Variants in MAN1C1 observed in about 807,000 individuals in gnomAD.
MAN1C1 encodes mannosidase alpha class 1C member 1.
A neutral mutation model predicts 71.5 loss-of-function variants in MAN1C1; 49 were observed. The observed-to-expected ratio is 0.69, with a 90% CI of 0.54 to 0.87. The LOEUF is 0.87. MAN1C1 is among the 40% of genes least tolerant of loss of function. MAN1C1 has a pLI of 0.00. For synonymous variants in MAN1C1, 352 were observed against 343.7 expected, an observed-to-expected ratio of 1.02 and a Z score of -0.27; for missense variants, 743 against 835.0, an observed-to-expected ratio of 0.89 and a Z score of 1.36.
intron 8 of MAN1C1, among the ~76,000 whole-genome samples, chr1:25,774,054 C>A (rs571884884): frequency 6.6e-6 from 1 of 152,326 alleles, no homozygotes; most frequent in Admixed American, 6.5e-5. Flanking sequence ...ACCTTCACCC[C>A]TGCCTGCACC....
intron 1 of MAN1C1, among the ~76,000 whole-genome samples, chr1:25,627,853 C>G (rs2045321401): frequency 7.0e-6 from 1 of 143,116 alleles, no homozygotes; most frequent in Admixed American, 7.1e-5. Flanking sequence ...GGCAACATGG[C>G]AAAACCCAAT....
intron 2 of MAN1C1, among the ~76,000 whole-genome samples, 171 bp downstream of exon 2, chr1:25,686,707 C>T (rs1163567938): frequency 2.0e-5 from 3 of 152,176 alleles, no homozygotes; most frequent in Non-Finnish European, 4.4e-5. Flanking sequence ...GCTTCTGAGT[C>T]CTCCTAGATT....
chr1:25,737,524 C>CCATT (rs975340995), intron 2 of MAN1C1, among the ~76,000 whole-genome samples: 22 of 152,176 alleles, frequency 1.4e-4, no homozygotes, highest in African/African-American at 3.4e-4. Flanking sequence ...TTTCCAATCG[C>CCATT]CATTCATTCA....
rs958260948 is a variant in MAN1C1, at chr1:25,697,060, A to G, written c.637+10524A>G. On this transcript the variant is annotated intron_variant, in intron 2 of 11. Transcript: ENST00000374332. ...GTGCTTTTTTCCTTGTTATTGTATCATGAACACTAGTTTGTTTTTCCTGTT... is the reference window on the plus strand; with the variant it reads ...GTGCTTTTTTCCTTGTTATTGTATCGTGAACACTAGTTTGTTTTTCCTGTT... Among the ~76,000 whole-genome samples the G allele has an allele frequency of 2.6e-5, 4 of 152,132 alleles. No homozygotes were observed. In the South Asian group the frequency reaches 8.3e-4, roughly 31 times the overall value.
At chr1:25,733,801 TA>T (rs1441491803) in intron 2 of MAN1C1, among the ~76,000 whole-genome samples, 35 of 151,630 alleles carry the variant, frequency 2.3e-4, no homozygotes, top group African/African-American at 8.3e-4. Flanking sequence ...TTATTATTTT[TA>T]TTTTTATTTT....
chr1:25,669,901 C>T (rs1434509586), intron 1 of MAN1C1, among the ~76,000 whole-genome samples: 3 of 152,192 alleles, frequency 2.0e-5, no homozygotes, highest in African/African-American at 4.8e-5. Flanking sequence ...GTTCTCAGGC[C>T]CCCTTCTTGA....
In MAN1C1 at chr1:25,758,204, C is replaced by T. The variant is rs141748294; in HGVS notation, c.930-388C>T. 7.2e-5 allele frequency among the ~76,000 whole-genome samples: 11 copies of T among 152,308 alleles called. No homozygotes were observed. The South Asian group carries it at 1.0e-3, about 14-fold the overall frequency. ...GAACCACCAATGGTTGTGAGCCATC[C>T]GGTGCCTTCAGCCAGAGGACAGCAA... On this transcript the variant is annotated intron_variant, in intron 5 of 11. Transcript: ENST00000374332.
chr1:25,686,484 G>A lies in MAN1C1; in HGVS notation c.585G>A (p.Gly195=). Residue 195 remains glycine, a synonymous_variant, in exon 2 of 12, where the codon GGG becomes GGA. Transcript: ENST00000374332. ...AGAGCTATAAGCGTTATGCAATGGG[G>A]AAAAACGAACTCCGTCCACTAACAA... ...AWQSYKRYAM[G]KNELRPLTKD... The A allele has an allele frequency of 1.9e-6, 3 of 1,614,192 alleles. No homozygotes were observed. Among genetic ancestry groups the A allele is most frequent in the Non-Finnish European group, 2.5e-6 (3 of 1,180,028 alleles).
chr1:25,642,152 C>T (rs1247137843), intron 1 of MAN1C1, among the ~76,000 whole-genome samples: 1 of 152,178 alleles, frequency 6.6e-6, no homozygotes, highest in Non-Finnish European at 1.5e-5. Context: ...GTCCCGAAGT[C>T]GATTTCCCCA....
At position 25,665,845 on chromosome 1, in the gene MAN1C1, T is replaced by C. The variant is rs1159795320; in HGVS notation, c.541-20595T>C. ...CACTAGTGGAATTTTCAGGTAATAC[T>C]TGGCATTGGCTTTTTTTTTTTTTTT... On this transcript the variant is annotated intron_variant, in intron 1 of 11. Transcript: ENST00000374332. 2.7e-5 allele frequency among the ~76,000 whole-genome samples: 4 copies of C among 148,440 alleles called. No individual in the cohort carries two copies. In the East Asian group the frequency reaches 6.0e-4, roughly 22 times the overall value.
chr1:25,641,854 A>G (rs887225146), intron 1 of MAN1C1, among the ~76,000 whole-genome samples: 4 of 152,256 alleles, frequency 2.6e-5, no homozygotes, highest in African/African-American at 9.6e-5. Context: ...CACTGTTTAC[A>G]TGATACGGAT....
chr1:25,673,060 A>G (rs1334021421), intron 1 of MAN1C1, among the ~76,000 whole-genome samples: 1 of 151,928 alleles, frequency 6.6e-6, no homozygotes, highest in African/African-American at 2.4e-5. Context: ...GGGGAGGGGG[A>G]AAGGAGGTGA....
intron 1 of MAN1C1, among the ~76,000 whole-genome samples, chr1:25,633,014 C>T (rs918901982): frequency 3.3e-5 from 5 of 151,856 alleles, no homozygotes; most frequent in African/African-American, 7.3e-5. Context: ...ACTACAGGTG[C>T]GTGCCACCAC....
chr1:25,646,205 C>T (rs796230649), intron 1 of MAN1C1: 1 of 152,430 alleles, frequency 6.6e-6, no homozygotes, highest in South Asian at 2.1e-4. Flanking sequence ...CCGTGCTGGT[C>T]CCCGCAGGGC....
chr1:25,693,821 C>T (rs188202111), intron 2 of MAN1C1, among the ~76,000 whole-genome samples: 240 of 152,192 alleles, frequency 1.6e-3, no homozygotes, highest in African/African-American at 5.2e-3. Flanking sequence ...TCACTTTGGG[C>T]GAGTTTCTTA....
chr1:25,752,592 A>G (rs1027320967), intron 4 of MAN1C1, among the ~76,000 whole-genome samples: 6 of 152,252 alleles, frequency 3.9e-5, no homozygotes, highest in African/African-American at 1.4e-4. Context: ...GCTGGAATAA[A>G]TAAGTCTTTA....
intron 2 of MAN1C1, among the ~76,000 whole-genome samples, chr1:25,703,169 C>T (rs2046469595): frequency 6.6e-6 from 1 of 152,138 alleles, no homozygotes; most frequent in Non-Finnish European, 1.5e-5. Context: ...GTGATTGGTC[C>T]CCTTCCCTCA....
chr1:25,754,737 T>G (rs2047263036), intron 5 of MAN1C1, among the ~76,000 whole-genome samples: 1 of 152,090 alleles, frequency 6.6e-6, no homozygotes, highest in African/African-American at 2.4e-5. Flanking sequence ...AGGACATCAT[T>G]GGGGGCATCC....
At chr1:25,648,518 A>T (rs940551901) in intron 1 of MAN1C1, among the ~76,000 whole-genome samples, 12 of 152,170 alleles carry the variant, frequency 7.9e-5, no homozygotes, top group African/African-American at 2.4e-4. Flanking sequence ...CTCTGGTCAC[A>T]TATGAAATGG....
Sources: allele counts gnomAD v4.1 joint callset (sites outside exome capture counted in the v4.1 genomes callset), GRCh38; gene constraint gnomAD v4.1.1; transcripts MANE v1.5; gene names NCBI Gene and HGNC (gene_info 2026-07-23, HGNC 2026-07-21).